Variants in RANBP2 observed in about 807,000 individuals in gnomAD.
RANBP2 encodes the protein E3 SUMO-protein ligase RanBP2.
A neutral mutation model predicts 303.6 loss-of-function variants in RANBP2; 57 were observed. The ratio of observed to expected loss-of-function variants is 0.19; its 90% CI spans 0.15 to 0.23. RANBP2 has a LOEUF of 0.23. RANBP2 is among the 10% of genes least tolerant of loss of function. The pLI is 1.00. For synonymous variants in RANBP2, 1,167 were observed against 1,301.5 expected (o/e 0.90, Z 2.23); for missense variants, 3,138 against 3,780.8 (o/e 0.83, Z 4.46).
the RANBP2 span, among the ~76,000 whole-genome samples, chr2:109,588,372 A>T: frequency 1.3e-5 from 2 of 152,236 alleles, no homozygotes; most frequent in Admixed American, 1.3e-4. Context: ...AAATGTTTAA[A>T]GCAGTAACAA....
the RANBP2 span, among the ~76,000 whole-genome samples, chr2:109,668,929 A>G: frequency 6.6e-6 from 1 of 151,984 alleles, no homozygotes; most frequent in Non-Finnish European, 1.5e-5. Flanking sequence ...GGGAAGGATA[A>G]AGCTGGAGTT....
the RANBP2 span, among the ~76,000 whole-genome samples, chr2:109,354,470 G>A: frequency 6.6e-6 from 1 of 152,382 alleles, no homozygotes; most frequent in East Asian, 1.9e-4. Context: ...ACTGCTTCTG[G>A]CATTTTACAT....
At chr2:108,752,636 A>AAAAAAAAT (rs1675987759) in intron 12 of RANBP2, among the ~76,000 whole-genome samples, 2 of 120,686 alleles carry the variant, frequency 1.7e-5, no homozygotes, top group Non-Finnish European at 3.2e-5. Context: ...AAAAAAAAAA[A>AAAAAAAAT]GAAAAAATTA....
chr2:109,104,628 C>T, the RANBP2 span, among the ~76,000 whole-genome samples: 314 of 152,100 alleles, frequency 2.1e-3, 2 homozygotes, highest in African/African-American at 7.1e-3. Flanking sequence ...GGACTGCAGG[C>T]GCCCGCCACC....
chr2:109,247,526 C>T, the RANBP2 span, among the ~76,000 whole-genome samples: 57 of 152,314 alleles, frequency 3.7e-4, no homozygotes, highest in African/African-American at 1.4e-3. Flanking sequence ...TGGGTGGTCA[C>T]GTGTCAGTCC....
chr2:109,340,261 A>G, the RANBP2 span, among the ~76,000 whole-genome samples: 32 of 152,128 alleles, frequency 2.1e-4, no homozygotes, highest in Non-Finnish European at 3.4e-4. Context: ...TAAAGTGCAG[A>G]TAATATAAGG....
chr2:109,737,893 A>C, the RANBP2 span, among the ~76,000 whole-genome samples: 10 of 152,338 alleles, frequency 6.6e-5, no homozygotes, highest in African/African-American at 1.2e-4. Context: ...ATGTCTACTT[A>C]GATCATTTGC....
chr2:108,882,415 C>G, the RANBP2 span: 2 of 152,264 alleles, frequency 1.3e-5, no homozygotes, highest in African/African-American at 4.8e-5. Context: ...AGAGCTCACA[C>G]CCTTCTGATG....
At chr2:108,920,875 C>T in the RANBP2 span, among the ~76,000 whole-genome samples, 1 of 152,106 alleles carries the variant, frequency 6.6e-6, no homozygotes, top group Non-Finnish European at 1.5e-5. Flanking sequence ...GGGCAGTGGG[C>T]ACCACTGGGA....
the RANBP2 span, among the ~76,000 whole-genome samples, chr2:109,473,714 G>A: frequency 6.8e-5 from 10 of 148,128 alleles, no homozygotes; most frequent in East Asian, 2.0e-3. Context: ...AGCTCACTCA[G>A]CCACCCACCC....
At chr2:108,804,806 T>G in the RANBP2 span, 3 of 1,271,912 alleles carry the variant, frequency 2.4e-6, no homozygotes, top group African/African-American at 4.6e-5. Flanking sequence ...GAGTTCTTAC[T>G]TGTAATTAAT....
chr2:109,426,846 T>C, the RANBP2 span, among the ~76,000 whole-genome samples: 1 of 152,098 alleles, frequency 6.6e-6, no homozygotes, highest in African/African-American at 2.4e-5. Flanking sequence ...CCCCCACCTT[T>C]AGCCACCACC....
the RANBP2 span, among the ~76,000 whole-genome samples, chr2:109,206,604 T>C: frequency 6.6e-6 from 1 of 151,332 alleles, no homozygotes; most frequent in East Asian, 1.9e-4. Flanking sequence ...AGGCTGGAGT[T>C]CAAGACCAGC....
chr2:109,044,755 A>G, the RANBP2 span, among the ~76,000 whole-genome samples: 1 of 152,068 alleles, frequency 6.6e-6, no homozygotes, highest in East Asian at 1.9e-4. Flanking sequence ...TGGAGAAAAT[A>G]GTGTGTTTGA....
At chr2:109,373,792 A>T in the RANBP2 span, among the ~76,000 whole-genome samples, 1 of 152,184 alleles carries the variant, frequency 6.6e-6, no homozygotes, top group Non-Finnish European at 1.5e-5. Context: ...GCTAAGAGCA[A>T]ATCTTAAAGG....
At chr2:108,947,801 T>C in the RANBP2 span, among the ~76,000 whole-genome samples, 1 of 152,326 alleles carries the variant, frequency 6.6e-6, no homozygotes, top group African/African-American at 2.4e-5. Context: ...GGTGTGAAGA[T>C]CACTGACATG....
At chr2:108,978,809 G>C in the RANBP2 span, among the ~76,000 whole-genome samples, 2 of 152,150 alleles carry the variant, frequency 1.3e-5, no homozygotes, top group African/African-American at 4.8e-5. Flanking sequence ...CTGAAAGCAG[G>C]AGGGCACCAA....
At chr2:109,396,428 C>T in the RANBP2 span, among the ~76,000 whole-genome samples, 1 of 152,216 alleles carries the variant, frequency 6.6e-6, no homozygotes, top group Non-Finnish European at 1.5e-5. Flanking sequence ...CAGCCATGTG[C>T]CTGGGCCGGG....
the RANBP2 span, among the ~76,000 whole-genome samples, chr2:109,061,301 G>T: frequency 6.6e-6 from 1 of 152,092 alleles, no homozygotes; most frequent in Admixed American, 6.6e-5. Flanking sequence ...CAACATTTCT[G>T]GGAAATTTTA....
Sources: gnomAD v4.1 joint callset for allele counts (sites outside exome capture counted in the v4.1 genomes callset) on GRCh38, gnomAD v4.1.1 for gene constraint, MANE v1.5 for transcripts, NCBI Gene and HGNC (gene_info 2026-07-23, HGNC 2026-07-21) for gene names.